Variants in FBXO33 observed in about 807,000 individuals in gnomAD.
FBXO33 encodes F-box protein 33, also known as F-box only protein 33.
Under a neutral mutation model 46.3 loss-of-function variants are expected in FBXO33, and 22 were observed. The observed-to-expected ratio is 0.48, with a 90% CI of 0.34 to 0.68. FBXO33 has a LOEUF of 0.68. Among genes scored for constraint, FBXO33 ranks in the 30% least tolerant of loss-of-function variants. FBXO33 has a pLI of 0.01. For synonymous variants in FBXO33, 337 were observed against 291.3 expected (o/e 1.16, Z -1.60); for missense variants, 692 against 708.8 (o/e 0.98, Z 0.27).
chr14:39,417,017 T>C (rs2075451779), intron 1 of FBXO33, among the ~76,000 whole-genome samples: 1 of 152,158 alleles, frequency 6.6e-6, no homozygotes, highest in Non-Finnish European at 1.5e-5. Context: ...TATTCCTAGT[T>C]GTCACAGGCA....
In FBXO33 at chr14:39,431,832, G is replaced by A. The variant is rs2139426272; in HGVS notation, c.331C>T (p.Leu111Phe). 2 of 1,607,202 alleles carry A rather than the reference G, an allele frequency of 1.2e-6. 1 individual carries two copies. The highest frequency in any genetic ancestry group is 1.7e-6 in the Non-Finnish European group (2 of 1,178,948). ...GGCGAGACGCGGAGGCAGATGCGGA[G>A]CTGGGGCCACAGGGCCGGATAGAAG... ...CLFYPALWPQ[L>F]RICLRVSPAE... is the part of the protein sequence containing the mutation. The change falls in exon 1 of 4, where the codon CTC becomes TTC. Residue 111 changes from leucine (L) to phenylalanine (F), a missense_variant. Leu to Phe is a conservative substitution (Grantham distance 22). This residue lies in a region of FBXO33 where 412 missense variants were observed against 370.8 expected (regional missense o/e 1.11). Transcript: ENST00000298097.
At chr14:39,429,803 T>C (rs1384617372) in intron 1 of FBXO33, among the ~76,000 whole-genome samples, 4 of 152,138 alleles carry the variant, frequency 2.6e-5, no homozygotes, top group Non-Finnish European at 4.4e-5. Flanking sequence ...GGTGGCCTTA[T>C]AGAGAAGCAG....
At position 39,432,113 on chromosome 14, in the gene FBXO33, G is replaced by T; in HGVS notation, c.50C>A (p.Thr17Asn). 8.0e-7 allele frequency: 1 copy of T among 1,244,470 alleles called. No individual in the cohort carries two copies. The highest frequency in any genetic ancestry group is 3.8e-5 in the South Asian group (1 of 26,134). The allele number at this position is 1,244,470 out of a possible 1,614,324, so 77.1% of individuals were successfully genotyped here. The change falls in exon 1 of 4, where the codon ACC becomes AAC. Residue 17 changes from threonine to asparagine, a missense_variant. Physicochemically the swap from Thr to Asn is moderately conservative, Grantham distance 65. Around this residue, in one of 3 missense-constraint regions of FBXO33, gnomAD observed 412 missense variants for 370.8 expected, o/e 1.11. Transcript: ENST00000298097. ...CGCCACCCGGGCGGCCCCGGCTCGG[G>T]TTCGAGCTCCCGGCGGTCGGGGCTG... ...VPQPRPPGAR[T>N]RAGAARVARW...
Position 39,432,342 on chromosome 14 carries a change from G to C in FBXO33, c.-180C>G. 2.6e-6 allele frequency: 1 copy of C among 389,732 alleles called. No individual in the cohort carries two copies. Among genetic ancestry groups the C allele is most frequent in the Non-Finnish European group, 4.2e-6 (1 of 240,680 alleles). The allele number at this position is 389,732 out of a possible 1,614,324, so 24.1% of individuals were successfully genotyped here. On this transcript the variant is annotated 5_prime_UTR_variant, in exon 1 of 4. Coordinates refer to ENST00000298097, the MANE Select transcript of FBXO33 (RefSeq NM_203301.4). ...CACACTGAGTAACTGCACTGCCCTCGCTCGTAAACTTCAGCGGCCCGGAAG... is the reference window on the plus strand; with the variant it reads ...CACACTGAGTAACTGCACTGCCCTCCCTCGTAAACTTCAGCGGCCCGGAAG...
chr14:39,421,868 T>C (rs2075486677), intron 1 of FBXO33, among the ~76,000 whole-genome samples: 1 of 152,066 alleles, frequency 6.6e-6, no homozygotes, highest in Admixed American at 6.6e-5. Context: ...TATTTTTAGA[T>C]GTATTTAGGG....
Position 39,431,772 on chromosome 14 carries a change from T to C in FBXO33, c.391A>G (p.Lys131Glu). ...AGCTCTCGCACGAACCAGCCGCACT[T>C]GCGCATGAGGAATTCCAGCCGAGGC... ...EQPRLEFLMRKCGWFVRELRV... is the reference protein window; with the variant it reads ...EQPRLEFLMRECGWFVRELRV... The change falls in exon 1 of 4, where the codon AAG (lysine) becomes GAG (glutamate). Residue 131 changes from lysine (K) to glutamate (E), a missense_variant. Lys to Glu is a moderately conservative substitution (Grantham distance 56, BLOSUM62 1). Around this residue, in one of 3 missense-constraint regions of FBXO33, gnomAD observed 412 missense variants for 370.8 expected, o/e 1.11. Transcript: ENST00000298097. 2 of 1,612,818 alleles carry C rather than the reference T, an allele frequency of 1.2e-6. No homozygotes were observed. Among genetic ancestry groups the C allele is most frequent in the Non-Finnish European group, 1.7e-6 (2 of 1,179,962 alleles).
intron 1 of FBXO33, among the ~76,000 whole-genome samples, chr14:39,418,045 T>G (rs181851929): frequency 0.026 from 3,966 of 152,130 alleles, 153 homozygotes; most frequent in African/African-American, 0.089. Flanking sequence ...TTTTTTTTTG[T>G]AATTTTCAAA....
At chr14:39,421,461 A>C (rs1213940092) in intron 1 of FBXO33, among the ~76,000 whole-genome samples, 1 of 152,130 alleles carries the variant, frequency 6.6e-6, no homozygotes, top group African/African-American at 2.4e-5. Flanking sequence ...CTTTCTGCTC[A>C]GTCCTACCAC....
intron 1 of FBXO33, among the ~76,000 whole-genome samples, chr14:39,414,397 T>C (rs1259416956): frequency 6.6e-6 from 1 of 152,242 alleles, no homozygotes; most frequent in Non-Finnish European, 1.5e-5. Context: ...ACCAAAACTT[T>C]ATCAGTAATA....
At chr14:39,412,882 T>C (rs990522347) in intron 1 of FBXO33, among the ~76,000 whole-genome samples, 2 of 152,266 alleles carry the variant, frequency 1.3e-5, no homozygotes, top group African/African-American at 4.8e-5. Context: ...AAAAACACTT[T>C]ATTGCTAAAA....
chr14:39,400,326 T>C (rs1432085792), intron 3 of FBXO33, among the ~76,000 whole-genome samples: 1 of 152,140 alleles, frequency 6.6e-6, no homozygotes, highest in East Asian at 1.9e-4. Flanking sequence ...TTCAGAATAA[T>C]AACTACTTCT....
At chr14:39,428,811 A>G (rs747265247) in intron 1 of FBXO33, among the ~76,000 whole-genome samples, 7 of 152,198 alleles carry the variant, frequency 4.6e-5, no homozygotes, top group Non-Finnish European at 1.0e-4. Flanking sequence ...TTCTAGGTAC[A>G]ATTTCTTATA....
At chr14:39,403,314 G>A (rs556238625) in intron 1 of FBXO33, among the ~76,000 whole-genome samples, 1 of 152,280 alleles carries the variant, frequency 6.6e-6, no homozygotes, top group Admixed American at 6.5e-5. Context: ...ACTATGTAAG[G>A]CCAGGTGCGG....
intron 1 of FBXO33, among the ~76,000 whole-genome samples, chr14:39,431,015 T>C (rs1352960677): frequency 3.3e-5 from 5 of 152,156 alleles, no homozygotes; most frequent in Non-Finnish European, 7.4e-5. Context: ...TCTTCCCCAA[T>C]CCCTTTAACA....
At chr14:39,406,397 AC>A (rs2075398511) in intron 1 of FBXO33, among the ~76,000 whole-genome samples, 1 of 152,242 alleles carries the variant, frequency 6.6e-6, no homozygotes. Flanking sequence ...ACAAAGAAAC[AC>A]TAAGGACAAC....
Position 39,399,038 on chromosome 14 carries a change from T to G in FBXO33, c.*478A>C, listed in dbSNP as rs563751795. ...GGCTTTTCTGTTACAGATAATTCAT[T>G]TGGGATATTATTTATCTTCCATTTG... On this transcript the variant is annotated 3_prime_UTR_variant, in exon 4 of 4. Coordinates refer to ENST00000298097, the MANE Select transcript of FBXO33 (RefSeq NM_203301.4). 2 of 152,700 alleles carry G rather than the reference T, an allele frequency of 1.3e-5. No homozygotes were observed. The highest frequency in any genetic ancestry group is 2.9e-5 in the Non-Finnish European group (2 of 68,118). The allele number at this position is 152,700 out of a possible 1,614,324, so 9.5% of individuals were successfully genotyped here. A position where few individuals can be genotyped will look rare whatever the true frequency, so the allele number is the denominator to read the frequency against.
chr14:39,410,367 G>A (rs567591788), intron 1 of FBXO33, among the ~76,000 whole-genome samples: 1 of 152,312 alleles, frequency 6.6e-6, no homozygotes, highest in African/African-American at 2.4e-5. Flanking sequence ...AACCATGCCT[G>A]CACCCCAGGG....
At chr14:39,407,178 C>A (rs962290672) in intron 1 of FBXO33, among the ~76,000 whole-genome samples, 2 of 152,100 alleles carry the variant, frequency 1.3e-5, no homozygotes, top group Non-Finnish European at 2.9e-5. Flanking sequence ...ACAGTAGTAT[C>A]AAAAATACAA....
At chr14:39,402,551 TA>T in intron 1 of FBXO33, 40 bp from the exon 2 acceptor site, 1 of 1,011,954 alleles carries the variant, frequency 9.9e-7, no homozygotes, top group Non-Finnish European at 1.4e-6. Flanking sequence ...CTAAATAATT[TA>T]TACTTAAAAA....
Sources: gnomAD v4.1 joint callset for allele counts (sites outside exome capture counted in the v4.1 genomes callset) on GRCh38, gnomAD v4.1.1 for gene constraint, gnomAD v4.1.1 regional missense constraint, MANE v1.5 for transcripts, NCBI Gene and HGNC (gene_info 2026-07-23, HGNC 2026-07-21) for gene names.